The following YY1AP1 variants were observed in gnomAD, a reference collection of about 807,000 sequenced individuals.
YY1AP1 encodes YY1 associated protein 1.
YY1AP1 carries 43 observed loss-of-function variants against 39.9 expected under a neutral mutation model. That is an observed-to-expected ratio of 1.08 (90% CI 0.84 to 1.39). The LOEUF is 1.39. YY1AP1 is among the 40% of genes most tolerant of loss of function. The pLI is 0.00. For missense variants in YY1AP1, 813 were observed against 900.7 expected, an observed-to-expected ratio of 0.90 and a Z score of 1.25; for synonymous variants, 292 against 331.3, an observed-to-expected ratio of 0.88 and a Z score of 1.29.
At chr1:155,681,334 GA>G (rs1651488025) in intron 2 of YY1AP1, among the ~76,000 whole-genome samples, 1 of 151,900 alleles carries the variant, frequency 6.6e-6, no homozygotes, top group South Asian at 2.1e-4. Context: ...CCAGCCCAAT[GA>G]TTTTATAATT....
chr1:155,680,620 G>A (rs554355650), intron 2 of YY1AP1, among the ~76,000 whole-genome samples, 164 bp from the exon 3 acceptor site: 1 of 152,298 alleles, frequency 6.6e-6, no homozygotes, highest in East Asian at 1.9e-4. Flanking sequence ...GGGCTGGAGG[G>A]CAGTGGCTTG....
chr1:155,677,782 CAGAAG>C (rs765502930), intron 4 of YY1AP1, among the ~76,000 whole-genome samples: 3 of 152,096 alleles, frequency 2.0e-5, no homozygotes, highest in Non-Finnish European at 4.4e-5. Flanking sequence ...ACTGAAGGAA[CAGAAG>C]AGAAGAAGCA....
At chr1:155,684,235 C>T (rs771383185) in intron 2 of YY1AP1, among the ~76,000 whole-genome samples, 4 of 151,784 alleles carry the variant, frequency 2.6e-5, no homozygotes, top group Non-Finnish European at 5.9e-5. Flanking sequence ...GCGAGGAGAG[C>T]GAAACTCTCT....
chr1:155,680,597 C>CA (rs757666233), intron 2 of YY1AP1, 141 bp from the exon 3 acceptor site: 5 of 682,330 alleles, frequency 7.3e-6, no homozygotes, highest in Non-Finnish European at 1.3e-5. Context: ...GACAGGGTCT[C>CA]ACTCTGTCAC....
At chr1:155,671,659 A>C (rs1411468097) in intron 7 of YY1AP1, among the ~76,000 whole-genome samples, 8 of 152,120 alleles carry the variant, frequency 5.3e-5, no homozygotes, top group Non-Finnish European at 4.4e-5. Context: ...ATTTCTAGAG[A>C]CAAAACTACT....
chr1:155,662,944 G>A (rs1167793719), intron 9 of YY1AP1, among the ~76,000 whole-genome samples: 1 of 152,106 alleles, frequency 6.6e-6, no homozygotes, highest in Non-Finnish European at 1.5e-5. Context: ...TTAAGAGGTT[G>A]CAGTGAGCCA....
At position 155,684,993 on chromosome 1, in the gene YY1AP1, C is replaced by A. The variant is rs1652022870; in HGVS notation, c.-21+3078G>T. Among the ~76,000 whole-genome samples the A allele has an allele frequency of 2.0e-5, 3 of 152,180 alleles. No homozygotes were observed. In the South Asian group the frequency reaches 6.2e-4, roughly 31 times the overall value. The stretch of plus-strand genomic sequence containing the variant: ...GATTTTATATCAGGAGGGCTTTCTA[C>A]ATGTATGTATACCCAAAAATGACAT... On this transcript the variant is annotated intron_variant, in intron 2 of 10. Coordinates refer to ENST00000355499, the MANE Select transcript of YY1AP1 (RefSeq NM_139119.3).
rs1444870000 is a variant in YY1AP1 at position 155,688,109 on chromosome 1, G to A, written c.-59C>T. On this transcript the variant is annotated 5_prime_UTR_variant, in exon 2 of 11. Transcript: ENST00000355499. ...GAGAGCGATGAGAGTACAGGGAAGT[G>A]AGGAAGAGGGGGTGGCCGCCAGGCT... The A allele has an allele frequency of 5.6e-6, 9 of 1,610,168 alleles. No individual in the cohort carries two copies. The South Asian group carries it at 8.8e-5, about 16-fold the overall frequency.
intron 2 of YY1AP1, among the ~76,000 whole-genome samples, chr1:155,682,567 G>GCCTGAA (rs1651676140): frequency 6.6e-6 from 1 of 151,558 alleles, no homozygotes; most frequent in Non-Finnish European, 1.5e-5. Flanking sequence ...CATCATGTTG[G>GCCTGAA]CCAGGTTGGT....
intron 2 of YY1AP1, 143 bp from the exon 3 acceptor site, chr1:155,680,599 C>T: frequency 1.5e-6 from 1 of 672,358 alleles, no homozygotes; most frequent in South Asian, 1.7e-5. Context: ...CAGGGTCTCA[C>T]TCTGTCACCC....
At chr1:155,668,517 G>T (rs1436985894) in intron 9 of YY1AP1, 110 bp downstream of exon 9, 1 of 1,557,382 alleles carries the variant, frequency 6.4e-7, no homozygotes, top group African/African-American at 1.4e-5. Context: ...ATAAGTAGGA[G>T]AAATTAGCTT....
intron 4 of YY1AP1, among the ~76,000 whole-genome samples, chr1:155,678,453 T>C (rs913050022): frequency 6.6e-6 from 1 of 152,202 alleles, no homozygotes; most frequent in African/African-American, 2.4e-5. Flanking sequence ...CCAAAATATT[T>C]ATTAATCAGA....
intron 5 of YY1AP1, among the ~76,000 whole-genome samples, chr1:155,676,006 G>A (rs111704839): frequency 0.024 from 3,597 of 152,216 alleles, 147 homozygotes; most frequent in African/African-American, 0.083. Flanking sequence ...GGTGGATCAC[G>A]AGGTTAGGAG....
In YY1AP1 at chr1:155,673,619, C is replaced by T. The variant is rs111910938; in HGVS notation, c.412-888G>A. Among the ~76,000 whole-genome samples the T allele has an allele frequency of 6.6e-5, 10 of 152,186 alleles. 1 individual carries two copies. Among genetic ancestry groups the T allele is most frequent in the African/African-American group, 2.4e-4 (10 of 41,552 alleles). On this transcript the variant is annotated intron_variant, in intron 6 of 10. Transcript: ENST00000355499. ...TGGAGTGATATATAAGCACGGCTCC[C>T]TACAGTCTCAACGTCCCAGGCTCAA... is the stretch of plus-strand genomic sequence containing the variant.
In YY1AP1 at chr1:155,660,272, A is replaced by G. The variant is rs745799639; in HGVS notation, c.1638T>C (p.Pro546=). The change falls in exon 11 of 11, where the codon CCT becomes CCC. Residue 546 remains proline (P), a synonymous_variant. Coordinates refer to ENST00000355499, the MANE Select transcript of YY1AP1 (RefSeq NM_139119.3). The stretch of plus-strand genomic sequence containing the variant: ...AGATAACAGATGCAGGGTGGATAAC[A>G]GGGGCAGGTTTGATACAGCGAAAGG... ...ARAFRCIKPA[P]VIHPASVIFT... is the part of the protein sequence containing the mutation. 2.5e-6 allele frequency: 4 copies of G among 1,614,178 alleles called. No homozygotes were observed. The highest frequency in any genetic ancestry group is 3.4e-6 in the Non-Finnish European group (4 of 1,179,988).
chr1:155,662,626 C>T (rs1205539883), intron 9 of YY1AP1, among the ~76,000 whole-genome samples: 1 of 152,146 alleles, frequency 6.6e-6, no homozygotes, highest in Non-Finnish European at 1.5e-5. Context: ...TAAGCACACA[C>T]ATAAGGGAAG....
intron 9 of YY1AP1, among the ~76,000 whole-genome samples, chr1:155,668,264 A>G (rs1419866331): frequency 6.6e-6 from 1 of 151,840 alleles, no homozygotes; most frequent in Admixed American, 6.6e-5. Flanking sequence ...TCATGCCACT[A>G]TACTCCTGCA....
At chr1:155,670,659 T>G in intron 7 of YY1AP1, 195 bp from the exon 8 acceptor site, 3 of 530,058 alleles carry the variant, frequency 5.7e-6, no homozygotes, top group Non-Finnish European at 3.3e-6. Flanking sequence ...TCCCATTCAC[T>G]GGCAATAAAA....
In YY1AP1 at chr1:155,676,446, C is replaced by T. The variant is rs1650698959; in HGVS notation, c.324+102G>A. On this transcript the variant is annotated intron_variant, in intron 5 of 10. Transcript: ENST00000355499. ...ACGGTTTTAATACGTAGTAAGGTAACTATCTCTGACATTTACAAAGCTGCT... is the reference window on the plus strand; with the variant it reads ...ACGGTTTTAATACGTAGTAAGGTAATTATCTCTGACATTTACAAAGCTGCT... 6.5e-6 allele frequency: 9 copies of T among 1,381,860 alleles called. No homozygotes were observed. In the East Asian group the frequency reaches 2.1e-4, roughly 32 times the overall value. 85.6% of individuals were successfully genotyped at this position (1,381,860 alleles called of 1,614,324 possible).
Sources: gnomAD v4.1 joint callset for allele counts (sites outside exome capture counted in the v4.1 genomes callset) on GRCh38, gnomAD v4.1.1 for gene constraint, MANE v1.5 for transcripts, NCBI Gene and HGNC (gene_info 2026-07-23, HGNC 2026-07-21) for gene names.